The following VSTM2A variants were observed in gnomAD, a reference collection of about 807,000 sequenced individuals.
VSTM2A encodes the protein V-set and transmembrane domain containing 2A.
Under a neutral mutation model 27.3 loss-of-function variants are expected in VSTM2A, and 13 were observed. The observed-to-expected ratio is 0.48, with a 90% CI of 0.31 to 0.76. The LOEUF (loss-of-function observed/expected upper bound fraction) is 0.76, where lower values mean the gene tolerates loss of function less well. VSTM2A is among the 30% of genes least tolerant of loss of function. The pLI, the probability that VSTM2A is intolerant of heterozygous loss-of-function variation, is 0.05. For missense variants in VSTM2A, 280 were observed against 310.0 expected (o/e 0.90, Z 0.73); for synonymous variants, 142 against 125.7 (o/e 1.13, Z -0.87).
At chr7:54,552,066 T>C (rs1032006239) in intron 4 of VSTM2A, 5 of 152,196 alleles carry the variant, frequency 3.3e-5, no homozygotes, top group African/African-American at 7.2e-5. Flanking sequence ...TCTAGATCTC[T>C]TCTAACAATT....
chr7:54,563,172 A>C (rs376968854), intron 4 of VSTM2A, among the ~76,000 whole-genome samples: 1 of 152,314 alleles, frequency 6.6e-6, no homozygotes, highest in African/African-American at 2.4e-5. Context: ...GAATTAGGAA[A>C]GTATAAAGTT....
intron 4 of VSTM2A, chr7:54,557,051 T>G (rs1348250425): frequency 6.6e-6 from 1 of 152,224 alleles, no homozygotes; most frequent in Non-Finnish European, 1.5e-5. Context: ...TTCACTCTGT[T>G]GGTCACAATA....
chr7:54,553,816 T>C (rs776110301), intron 4 of VSTM2A: 5 of 1,547,906 alleles, frequency 3.2e-6, no homozygotes, highest in Non-Finnish European at 4.4e-6. Flanking sequence ...TGCCCCCAAA[T>C]ACCCCAATAT....
intron 4 of VSTM2A, among the ~76,000 whole-genome samples, chr7:54,552,728 G>A (rs1249290801): frequency 6.6e-6 from 1 of 152,210 alleles, no homozygotes; most frequent in African/African-American, 2.4e-5. Context: ...AAGGCAAGAT[G>A]TGGTGAAAGC....
At position 54,569,266 on chromosome 7, in the gene VSTM2A, C is replaced by T. The variant is rs1788820068; in HGVS notation, c.*47C>T. 1 of 1,548,416 alleles carries T rather than the reference C, an allele frequency of 6.5e-7. No homozygotes were observed. The highest frequency in any genetic ancestry group is 8.7e-7 in the Non-Finnish European group (1 of 1,145,690). Reference sequence around the variant, plus strand: ...GCTTCCGGAAGCATAAATGAAGAGGCTATCACATGCTTTGTTGATCATATT... The same window carrying T: ...GCTTCCGGAAGCATAAATGAAGAGGTTATCACATGCTTTGTTGATCATATT... On this transcript the variant is annotated 3_prime_UTR_variant, in exon 5 of 5. Transcript: ENST00000402613.
At chr7:54,546,703 CG>C (rs1788002201) in intron 2 of VSTM2A, 2 of 482,946 alleles carry the variant, frequency 4.1e-6, no homozygotes, top group African/African-American at 4.1e-5. Flanking sequence ...GGGACAGCCC[CG>C]GGACAGCCCC....
intron 4 of VSTM2A, chr7:54,550,818 G>T (rs910730310): frequency 2.6e-5 from 4 of 152,944 alleles, no homozygotes; most frequent in African/African-American, 9.7e-5. Flanking sequence ...GTTCTGAATG[G>T]CATTAATGTA....
At chr7:54,546,631 G>A in intron 2 of VSTM2A, 2 of 260,892 alleles carry the variant, frequency 7.7e-6, no homozygotes, top group East Asian at 7.3e-5. Flanking sequence ...AGACCCGGCG[G>A]CTCCCGGCCC....
intron 4 of VSTM2A, chr7:54,553,875 A>G (rs960935030): frequency 9.0e-6 from 14 of 1,551,080 alleles, no homozygotes; most frequent in South Asian, 3.6e-5. Context: ...AGTGTCTCCA[A>G]TCCTTCCAGA....
At chr7:54,556,755 C>G (rs888615728) in intron 4 of VSTM2A, among the ~76,000 whole-genome samples, 1 of 152,172 alleles carries the variant, frequency 6.6e-6, no homozygotes, top group African/African-American at 2.4e-5. Flanking sequence ...AGAGTCTATA[C>G]TGGTTAAATT....
intron 4 of VSTM2A, among the ~76,000 whole-genome samples, chr7:54,560,553 G>A (rs532897997): frequency 5.9e-5 from 9 of 152,154 alleles, no homozygotes; most frequent in South Asian, 2.1e-4. Flanking sequence ...AAGGGAAATC[G>A]GACACAGGAA....
At chr7:54,569,068 A>C in intron 4 of VSTM2A, 63 bp from the exon 5 acceptor site, 1 of 1,606,672 alleles carries the variant, frequency 6.2e-7, no homozygotes, top group South Asian at 1.1e-5. Context: ...TGGCTTTGTG[A>C]AGGGTGCTTT....
intron 2 of VSTM2A, chr7:54,546,609 A>C (rs1787994244): frequency 6.0e-6 from 1 of 166,834 alleles, no homozygotes; most frequent in Non-Finnish European, 1.2e-5. Flanking sequence ...CGCACGGGTC[A>C]ACCCGCGAAA....
intron 4 of VSTM2A, among the ~76,000 whole-genome samples, chr7:54,568,732 G>A (rs563278709): frequency 1.1e-4 from 17 of 152,160 alleles, no homozygotes; most frequent in African/African-American, 3.6e-4. Context: ...TGATCCTCAA[G>A]GAATTACTTG....
chr7:54,564,123 C>A (rs939967), intron 4 of VSTM2A, among the ~76,000 whole-genome samples: 1 of 152,228 alleles, frequency 6.6e-6, no homozygotes, highest in Non-Finnish European at 1.5e-5. Flanking sequence ...GTAATGGACA[C>A]TCAGTTCTTC....
intron 4 of VSTM2A, among the ~76,000 whole-genome samples, chr7:54,562,936 C>T (rs1484461156): frequency 6.6e-6 from 1 of 152,176 alleles, no homozygotes; most frequent in African/African-American, 2.4e-5. Context: ...TTTTTAAACT[C>T]TGTGACTAAA....
At chr7:54,549,766 A>C in intron 3 of VSTM2A, 68 bp from the exon 4 acceptor site, 1 of 1,407,646 alleles carries the variant, frequency 7.1e-7, no homozygotes, top group Non-Finnish European at 9.5e-7. Flanking sequence ...TAGCAAGCTC[A>C]GGGTAAAAAA....
intron 4 of VSTM2A, among the ~76,000 whole-genome samples, chr7:54,565,984 G>A (rs1421943324): frequency 6.6e-6 from 1 of 152,152 alleles, no homozygotes; most frequent in Non-Finnish European, 1.5e-5. Flanking sequence ...CCAAGTTTCT[G>A]CCCTGCTTAG....
In VSTM2A at chr7:54,570,554, G is replaced by A. The variant is rs1011626241; in HGVS notation, c.*1335G>A. On this transcript the variant is annotated 3_prime_UTR_variant, in exon 5 of 5. Coordinates refer to ENST00000402613, the MANE Select transcript of VSTM2A (RefSeq NM_001301009.2). ...ATGCAAAAGATGATGGCAGGTCCCCGACTAAAGAAGATTAATGTGTTCAGT... is the reference window on the plus strand; with the variant it reads ...ATGCAAAAGATGATGGCAGGTCCCCAACTAAAGAAGATTAATGTGTTCAGT... The A allele has an allele frequency of 3.9e-5, 6 of 152,148 alleles. No homozygotes were observed. The highest frequency in any genetic ancestry group is 6.5e-5 in the Admixed American group (1 of 15,278). 9.4% of individuals were successfully genotyped at this position (152,148 alleles called of 1,614,324 possible). A position where few individuals can be genotyped will look rare whatever the true frequency, so the allele number is the denominator to read the frequency against.
Sources: allele counts gnomAD v4.1 joint callset (sites outside exome capture counted in the v4.1 genomes callset), GRCh38; gene constraint gnomAD v4.1.1; transcripts MANE v1.5; gene names NCBI Gene and HGNC (gene_info 2026-07-23, HGNC 2026-07-21).